Variants in RIMS2 observed in about 807,000 individuals in gnomAD.
The protein encoded by RIMS2 is regulating synaptic membrane exocytosis 2.
RIMS2 carries 59 observed loss-of-function variants against 174.4 expected under a neutral mutation model. That is an observed-to-expected ratio of 0.34 (90% CI 0.27 to 0.42). The LOEUF is 0.42. Ranked by LOEUF, RIMS2 falls within the 10% of genes least tolerant of loss-of-function variation. RIMS2 has a pLI of 1.00. For missense variants in RIMS2, 1,620 were observed against 1,666.3 expected (o/e 0.97, Z 0.48); for synonymous variants, 606 against 572.5 (o/e 1.06, Z -0.84).
At chr8:103,686,175 C>G (rs574374427) in intron 1 of RIMS2, among the ~76,000 whole-genome samples, 2 of 151,972 alleles carry the variant, frequency 1.3e-5, no homozygotes, top group Non-Finnish European at 2.9e-5. Context: ...GTATATTGAT[C>G]TTGTATCCTG....
At chr8:103,915,651 GTTATTT>G in intron 7 of RIMS2, 57 bp downstream of exon 10, 1 of 800,172 alleles carries the variant, frequency 1.2e-6, no homozygotes, top group Non-Finnish European at 2.0e-6. Flanking sequence ...GTAGTTATGA[GTTATTT>G]TCATTTATTT....
At chr8:103,903,055 C>A (rs749974640) in intron 4 of RIMS2, among the ~76,000 whole-genome samples, 7 of 151,968 alleles carry the variant, frequency 4.6e-5, no homozygotes, top group Non-Finnish European at 7.4e-5. Flanking sequence ...TGTTCCCTAC[C>A]TAATTAGAAT....
At chr8:104,161,427 G>T (rs999577726) in intron 19 of RIMS2, among the ~76,000 whole-genome samples, 5 of 152,134 alleles carry the variant, frequency 3.3e-5, no homozygotes, top group African/African-American at 1.2e-4. Flanking sequence ...AGAGATTGGG[G>T]CCAGATTACA....
At chr8:103,629,442 G>C (rs1293519277) in intron 1 of RIMS2, among the ~76,000 whole-genome samples, 1 of 152,204 alleles carries the variant, frequency 6.6e-6, no homozygotes, top group African/African-American at 2.4e-5. Context: ...CAGACCAGAA[G>C]CATGTTGGAA....
chr8:104,065,126 G>A (rs1025585533), intron 19 of RIMS2, among the ~76,000 whole-genome samples: 2 of 151,964 alleles, frequency 1.3e-5, no homozygotes. Flanking sequence ...GTGTTCTGTG[G>A]TCAAGTGGTT....
chr8:103,622,918 AT>A (rs1370455666), intron 1 of RIMS2, among the ~76,000 whole-genome samples: 1 of 152,218 alleles, frequency 6.6e-6, no homozygotes, highest in African/African-American at 2.4e-5. Flanking sequence ...AGCACAGATT[AT>A]TTATTCTGAA....
At chr8:103,725,566 T>C (rs1016256769) in intron 2 of RIMS2, among the ~76,000 whole-genome samples, 6 of 152,218 alleles carry the variant, frequency 3.9e-5, no homozygotes, top group Admixed American at 2.0e-4. Flanking sequence ...TTCCTTTTTA[T>C]TGCTGATACT....
intron 19 of RIMS2, among the ~76,000 whole-genome samples, chr8:104,120,557 A>T (rs551253408): frequency 2.6e-5 from 4 of 152,302 alleles, no homozygotes; most frequent in African/African-American, 9.6e-5. Context: ...TAGATTAAAT[A>T]AGTAACCTGT....
At chr8:103,627,270 C>T (rs1589295720) in intron 1 of RIMS2, among the ~76,000 whole-genome samples, 3 of 152,170 alleles carry the variant, frequency 2.0e-5, no homozygotes, top group Admixed American at 2.0e-4. Context: ...CTTTATTCTG[C>T]CCGACCCCGC....
intron 9 of RIMS2, 134 bp downstream of exon 12, chr8:103,918,621 G>T: frequency 3.2e-6 from 2 of 626,518 alleles, no homozygotes; most frequent in South Asian, 2.2e-5. Flanking sequence ...ATATAAAGAT[G>T]GAAAATTTAG....
intron 1 of RIMS2, among the ~76,000 whole-genome samples, chr8:103,605,211 A>G (rs12174511): frequency 4.4e-5 from 5 of 114,074 alleles, no homozygotes; most frequent in South Asian, 2.7e-4. Context: ...TAGCATGAAG[A>G]GTTGTTGAAT....
intron 16 of RIMS2, among the ~76,000 whole-genome samples, chr8:103,987,752 T>A (rs545275870): frequency 1.3e-5 from 2 of 152,274 alleles, no homozygotes; most frequent in East Asian, 3.9e-4. Flanking sequence ...ATATTAAAAC[T>A]AATATAGGAG....
At chr8:103,855,499 C>G (rs1484720794) in intron 3 of RIMS2, among the ~76,000 whole-genome samples, 1 of 151,974 alleles carries the variant, frequency 6.6e-6, no homozygotes, top group Admixed American at 6.6e-5. Flanking sequence ...TCACTTTTCT[C>G]TTAACTTTCC....
intron 3 of RIMS2, among the ~76,000 whole-genome samples, chr8:103,852,505 AG>A (rs2154493524): frequency 6.6e-6 from 1 of 151,510 alleles, no homozygotes; most frequent in South Asian, 2.1e-4. Context: ...TATTGCAACC[AG>A]GTTGCAAGCA....
At chr8:104,070,244 C>T (rs1015719575) in intron 19 of RIMS2, among the ~76,000 whole-genome samples, 1 of 152,106 alleles carries the variant, frequency 6.6e-6, no homozygotes, top group African/African-American at 2.4e-5. Flanking sequence ...CAGTCTCTTC[C>T]CCAGATTACA....
intron 19 of RIMS2, among the ~76,000 whole-genome samples, chr8:104,135,101 G>A (rs1049445760): frequency 1.6e-4 from 25 of 152,086 alleles, no homozygotes; most frequent in South Asian, 4.1e-4. Context: ...AGGGAATTTC[G>A]TCTGATAGCA....
intron 17 of RIMS2, among the ~76,000 whole-genome samples, chr8:103,999,776 A>G (rs1013018090): frequency 6.6e-6 from 1 of 151,690 alleles, no homozygotes; most frequent in Admixed American, 6.6e-5. Context: ...TAGTTTTTCC[A>G]TTCAGCAATG....
At chr8:103,649,648 CTT>C (rs71575979) in intron 1 of RIMS2, among the ~76,000 whole-genome samples, 1 of 143,400 alleles carries the variant, frequency 7.0e-6, no homozygotes, top group African/African-American at 2.6e-5. Context: ...CCTTTTCATT[CTT>C]TTTTTTTTTT....
At chr8:104,239,612 TTAAGTTTTTACAGTTTTGATGGTCCACCC>T in intron 19 of RIMS2, among the ~76,000 whole-genome samples, 1 of 152,256 alleles carries the variant, frequency 6.6e-6, no homozygotes, top group African/African-American at 2.4e-5. Context: ...AAAATAATGG[TTAAGTTTTTACAGTTTTGATGGTCCACCC>T]CTAAGTCATA....
Sources: gnomAD v4.1 joint callset for allele counts (sites outside exome capture counted in the v4.1 genomes callset) on GRCh38, gnomAD v4.1.1 for gene constraint, MANE v1.5 for transcripts, NCBI Gene and HGNC (gene_info 2026-07-23, HGNC 2026-07-21) for gene names.